Variants in SYT9 observed in about 807,000 individuals in gnomAD.
The protein encoded by SYT9 is synaptotagmin 9.
SYT9 carries 22 observed loss-of-function variants against 48.4 expected under a neutral mutation model. That is an observed-to-expected ratio of 0.45 (90% CI 0.32 to 0.65). The LOEUF (loss-of-function observed/expected upper bound fraction) is 0.65. Among genes scored for constraint, SYT9 ranks in the 30% least tolerant of loss-of-function variants. The pLI is 0.03. For missense variants in SYT9, 577 were observed against 622.0 expected, an observed-to-expected ratio of 0.93 and a Z score of 0.77; for synonymous variants, 265 against 245.0, an observed-to-expected ratio of 1.08 and a Z score of -0.76.
intron 1 of SYT9, among the ~76,000 whole-genome samples, chr11:7,296,978 C>A (rs997875006): frequency 3.3e-4 from 50 of 151,974 alleles, no homozygotes; most frequent in African/African-American, 1.2e-3. Flanking sequence ...CTAAATTTCC[C>A]AGTATTATAT....
At chr11:7,260,531 G>A (rs924843864) in intron 1 of SYT9, among the ~76,000 whole-genome samples, 1 of 152,150 alleles carries the variant, frequency 6.6e-6, no homozygotes, top group African/African-American at 2.4e-5. Context: ...AACCCACTGA[G>A]GACTAACTGG....
chr11:7,412,574 A>T (rs1437963128), intron 3 of SYT9, among the ~76,000 whole-genome samples: 2 of 152,148 alleles, frequency 1.3e-5, no homozygotes, highest in Admixed American at 1.3e-4. Context: ...TGGTCTGAAG[A>T]TGCCTGTCTT....
At chr11:7,334,042 C>A (rs1447890792) in intron 3 of SYT9, among the ~76,000 whole-genome samples, 1 of 152,138 alleles carries the variant, frequency 6.6e-6, no homozygotes, top group Non-Finnish European at 1.5e-5. Flanking sequence ...GAGGAAATAA[C>A]ATTGAAGCTG....
At chr11:7,416,006 C>T (rs780416540) in intron 3 of SYT9, 36 bp from the exon 4 acceptor site, 66 of 1,613,500 alleles carry the variant, frequency 4.1e-5, no homozygotes, top group Non-Finnish European at 5.1e-5. Flanking sequence ...AGGCTGGAGA[C>T]ACTTTCTAAT....
chr11:7,384,698 G>T (rs1343734533), intron 3 of SYT9, among the ~76,000 whole-genome samples: 1 of 152,140 alleles, frequency 6.6e-6, no homozygotes, highest in Non-Finnish European at 1.5e-5. Context: ...GCTGTGTTGT[G>T]CTACTTTTCT....
intron 3 of SYT9, among the ~76,000 whole-genome samples, chr11:7,348,049 A>G (rs1390930715): frequency 1.3e-5 from 2 of 152,170 alleles, no homozygotes; most frequent in Non-Finnish European, 2.9e-5. Flanking sequence ...TTTCCTGAAT[A>G]CTTGGATTTT....
intron 1 of SYT9, among the ~76,000 whole-genome samples, chr11:7,258,962 A>G (rs1337511718): frequency 6.6e-6 from 1 of 152,090 alleles, no homozygotes; most frequent in Admixed American, 6.6e-5. Flanking sequence ...CTCATCAGTA[A>G]AATGTATTAC....
At chr11:7,412,483 A>G (rs1290419258) in intron 3 of SYT9, among the ~76,000 whole-genome samples, 2 of 152,192 alleles carry the variant, frequency 1.3e-5, no homozygotes, top group Non-Finnish European at 2.9e-5. Context: ...TTTCCTTGAT[A>G]GCTTAGGGTG....
chr11:7,376,616 C>A (rs1460256920), intron 3 of SYT9, among the ~76,000 whole-genome samples: 1 of 152,034 alleles, frequency 6.6e-6, no homozygotes, highest in African/African-American at 2.4e-5. Flanking sequence ...GGGCTGTTAC[C>A]AAGAAGTGGA....
chr11:7,422,733 C>G (rs966118904), intron 6 of SYT9, among the ~76,000 whole-genome samples: 1 of 152,010 alleles, frequency 6.6e-6, no homozygotes, highest in African/African-American at 2.4e-5. Flanking sequence ...GATTCATGCA[C>G]AAGCAGTTTT....
At chr11:7,405,310 C>A (rs1472266726) in intron 3 of SYT9, among the ~76,000 whole-genome samples, 1 of 152,064 alleles carries the variant, frequency 6.6e-6, no homozygotes, top group Non-Finnish European at 1.5e-5. Flanking sequence ...AGTAACACAC[C>A]CTCCTCCACA....
chr11:7,260,618 A>T (rs1848061063), intron 1 of SYT9, among the ~76,000 whole-genome samples: 1 of 152,222 alleles, frequency 6.6e-6, no homozygotes, highest in Non-Finnish European at 1.5e-5. Context: ...AGGAGATTTC[A>T]GTTCCATGAA....
At chr11:7,385,117 T>A (rs1250596113) in intron 3 of SYT9, among the ~76,000 whole-genome samples, 1 of 152,100 alleles carries the variant, frequency 6.6e-6, no homozygotes, top group African/African-American at 2.4e-5. Flanking sequence ...TACTTCTGTA[T>A]ATGTGTGTAT....
chr11:7,379,260 G>A (rs183596068), intron 3 of SYT9, among the ~76,000 whole-genome samples: 1 of 152,228 alleles, frequency 6.6e-6, no homozygotes, highest in Admixed American at 6.5e-5. Context: ...GAATTTCAAA[G>A]TATCTATTAA....
At chr11:7,440,553 C>T (rs992853979) in intron 6 of SYT9, 3 of 152,236 alleles carry the variant, frequency 2.0e-5, no homozygotes, top group African/African-American at 7.2e-5. Flanking sequence ...CACTGCTTCT[C>T]ATGGACATAA....
chr11:7,336,585 AT>A (rs1304036202), intron 3 of SYT9, among the ~76,000 whole-genome samples: 3 of 152,164 alleles, frequency 2.0e-5, no homozygotes, highest in African/African-American at 7.2e-5. Context: ...AGCACCATTT[AT>A]TGAATAGGCA....
In SYT9 at chr11:7,417,975, C is replaced by T. The variant is rs755510289; in HGVS notation, c.1184C>T (p.Ser395Leu). The stretch of plus-strand genomic sequence containing the variant: ...TGTCCAGATCCCTATGTGAAAGTCT[C>T]GCTGATGTGTGATGGCAGACGACTG... The part of the protein sequence containing the change: ...TGASDPYVKV[S>L]LMCDGRRLKK... The change falls in exon 5 of 7, where the codon TCG becomes TTG. Residue 395 changes from serine (S) to leucine (L), a missense_variant. Physicochemically the swap from Ser to Leu is moderately radical, Grantham distance 145. Coordinates refer to ENST00000318881, the MANE Select transcript of SYT9 (RefSeq NM_175733.4). The T allele has an allele frequency of 1.1e-5, 18 of 1,613,664 alleles. No homozygotes were observed. The highest frequency in any genetic ancestry group is 4.5e-5 in the East Asian group (2 of 44,894).
intron 6 of SYT9, among the ~76,000 whole-genome samples, chr11:7,425,698 T>C (rs78252586): frequency 0.027 from 4,088 of 152,262 alleles, 201 homozygotes; most frequent in African/African-American, 0.093. Context: ...AGGCTGCCAA[T>C]TCCATGCATT....
At chr11:7,288,574 G>C (rs1848640249) in intron 1 of SYT9, among the ~76,000 whole-genome samples, 1 of 151,904 alleles carries the variant, frequency 6.6e-6, no homozygotes, top group African/African-American at 2.4e-5. Flanking sequence ...GTTTTCCTGT[G>C]AGTCCCCCAT....
Sources: gnomAD v4.1 joint callset for allele counts (sites outside exome capture counted in the v4.1 genomes callset) on GRCh38, gnomAD v4.1.1 for gene constraint, MANE v1.5 for transcripts, NCBI Gene and HGNC (gene_info 2026-07-23, HGNC 2026-07-21) for gene names.